Variants in AGTPBP1 observed in about 807,000 individuals in gnomAD.
AGTPBP1 encodes cytosolic carboxypeptidase 1.
Under a neutral mutation model 143.9 loss-of-function variants are expected in AGTPBP1, and 70 were observed. That is an observed-to-expected ratio of 0.49 (90% CI 0.40 to 0.59). AGTPBP1 has a LOEUF of 0.59. Ranked by LOEUF, AGTPBP1 falls within the 20% of genes least tolerant of loss-of-function variation. The pLI, the probability that AGTPBP1 is intolerant of heterozygous loss-of-function variation, is 0.00. For missense variants in AGTPBP1, 1,229 were observed against 1,464.5 expected (o/e 0.84, Z 2.62); for synonymous variants, 463 against 500.2 (o/e 0.93, Z 0.99).
At chr9:85,641,197 T>C (rs922389051) in intron 13 of AGTPBP1, among the ~76,000 whole-genome samples, 6 of 152,274 alleles carry the variant, frequency 3.9e-5, no homozygotes, top group Non-Finnish European at 8.8e-5. Context: ...GGGCCTACCG[T>C]ATATATTTCT....
At chr9:85,560,081 C>G (rs1008936519) in intron 25 of AGTPBP1, among the ~76,000 whole-genome samples, 1 of 152,028 alleles carries the variant, frequency 6.6e-6, no homozygotes, top group Admixed American at 6.6e-5. Flanking sequence ...CTCCAGCCCA[C>G]CAGTATCAAA....
intron 23 of AGTPBP1, among the ~76,000 whole-genome samples, chr9:85,580,590 T>C (rs1828195966): frequency 6.6e-6 from 1 of 152,196 alleles, no homozygotes; most frequent in South Asian, 2.1e-4. Flanking sequence ...ATAGGTATGC[T>C]AGTTAACAAT....
chr9:85,685,476 A>G (rs1444457131), intron 3 of AGTPBP1, among the ~76,000 whole-genome samples: 2 of 152,080 alleles, frequency 1.3e-5, no homozygotes, highest in African/African-American at 2.4e-5. Flanking sequence ...AATTGTAAGC[A>G]CACTTTAAAA....
At chr9:85,763,278 C>G in the AGTPBP1 span, among the ~76,000 whole-genome samples, 1 of 151,952 alleles carries the variant, frequency 6.6e-6, no homozygotes, top group Non-Finnish European at 1.5e-5. Flanking sequence ...AAGGAAGACT[C>G]AGGATTCTGA....
intron 9 of AGTPBP1, among the ~76,000 whole-genome samples, chr9:85,658,795 A>G (rs1206703329): frequency 6.6e-6 from 1 of 152,146 alleles, no homozygotes; most frequent in Non-Finnish European, 1.5e-5. Flanking sequence ...CACTCACTAG[A>G]GCTACGGAAA....
the AGTPBP1 span, among the ~76,000 whole-genome samples, chr9:85,776,405 C>T: frequency 6.6e-5 from 10 of 152,160 alleles, 1 homozygote; most frequent in Non-Finnish European, 8.8e-5. Flanking sequence ...CACCTCAGCA[C>T]GTTGTGGGTT....
chr9:85,574,063 A>G (rs1417468017), intron 25 of AGTPBP1, among the ~76,000 whole-genome samples: 3 of 152,170 alleles, frequency 2.0e-5, no homozygotes, highest in African/African-American at 4.8e-5. Flanking sequence ...GAGAAATCGG[A>G]TGGTTGCTGC....
intron 1 of AGTPBP1, among the ~76,000 whole-genome samples, chr9:85,714,729 A>G (rs1228709026): frequency 6.6e-6 from 1 of 152,218 alleles, no homozygotes; most frequent in Non-Finnish European, 1.5e-5. Flanking sequence ...TCCTTAAAAT[A>G]ATTATAGATA....
In AGTPBP1 at chr9:85,586,966, T is replaced by C. The variant is rs1468119308; in HGVS notation, c.2904-6A>G. 1.2e-6 allele frequency: 2 copies of C among 1,613,654 alleles called. No individual in the cohort carries two copies. The highest frequency in any genetic ancestry group is 1.7e-6 in the Non-Finnish European group (2 of 1,179,710). On this transcript the variant is annotated splice_region_variant and splice_polypyrimidine_tract_variant and intron_variant, in intron 21 of 25. Transcript: ENST00000357081. ...CACTTAAAGAACAGCGATGACTACA[T>C]GTACATAAACACAAAGACAGAAAAA...
chr9:85,759,398 GA>G, the AGTPBP1 span, among the ~76,000 whole-genome samples: 1 of 151,274 alleles, frequency 6.6e-6, no homozygotes, highest in Non-Finnish European at 1.5e-5. Context: ...AAATGTAAAA[GA>G]ACAGAAATTA....
chr9:85,748,742 AT>A, the AGTPBP1 span, among the ~76,000 whole-genome samples: 1 of 152,272 alleles, frequency 6.6e-6, no homozygotes, highest in African/African-American at 2.4e-5. Flanking sequence ...TCCAATTTTC[AT>A]TTCTTCTGCC....
intron 25 of AGTPBP1, among the ~76,000 whole-genome samples, chr9:85,547,818 G>C (rs1446308759): frequency 6.6e-6 from 1 of 152,068 alleles, no homozygotes; most frequent in African/African-American, 2.4e-5. Context: ...AAAAACAAGT[G>C]AACACTCTAC....
intron 17 of AGTPBP1, among the ~76,000 whole-genome samples, chr9:85,598,153 G>A (rs1367581037): frequency 6.6e-6 from 1 of 151,280 alleles, no homozygotes; most frequent in Non-Finnish European, 1.5e-5. Flanking sequence ...TTTCCTCATC[G>A]CTTTTGGTAT....
the AGTPBP1 span, chr9:85,753,322 C>A: frequency 6.2e-7 from 1 of 1,613,838 alleles, no homozygotes; most frequent in Middle Eastern, 1.7e-4. Context: ...CAATTAAAAA[C>A]AGGACAGGAA....
chr9:85,573,156 C>G (rs1326723527), intron 25 of AGTPBP1, among the ~76,000 whole-genome samples: 1 of 152,004 alleles, frequency 6.6e-6, no homozygotes, highest in Admixed American at 6.5e-5. Flanking sequence ...GATGCCGAGC[C>G]GAAGCTGGAC....
Position 85,672,732 on chromosome 9 carries a change from ATTTTTTTTT to A in AGTPBP1, c.437-60_437-52del. 3 of 919,574 alleles carry A rather than the reference ATTTTTTTTT, an allele frequency of 3.3e-6. No homozygotes were observed. In the Admixed American group the frequency reaches 1.0e-4, roughly 32 times the overall value. The allele number at this position is 919,574 out of a possible 1,614,324, so 57.0% of individuals were successfully genotyped here. On this transcript the variant is annotated intron_variant, in intron 6 of 25. Coordinates refer to ENST00000357081, the MANE Select transcript of AGTPBP1 (RefSeq NM_001330701.2). The stretch of plus-strand genomic sequence containing the variant: ...TATGCACATACAACTTTTCTTTTTA[ATTTTTTTTT>A]TTTTTTTTTTTGAGACAGAGTCTTG...
intron 15 of AGTPBP1, among the ~76,000 whole-genome samples, chr9:85,620,598 T>C (rs980922845): frequency 6.6e-6 from 1 of 152,144 alleles, no homozygotes; most frequent in Non-Finnish European, 1.5e-5. Context: ...GTAATTTTCA[T>C]TTATTTACTT....
chr9:85,588,627 T>A, intron 20 of AGTPBP1, 149 bp from the exon 21 acceptor site: 1 of 709,940 alleles, frequency 1.4e-6, no homozygotes, highest in Non-Finnish European at 2.2e-6. Flanking sequence ...AGCACTGCAC[T>A]AGGCCCTATA....
At chr9:85,737,726 T>C (rs914634711) in intron 1 of AGTPBP1, among the ~76,000 whole-genome samples, 1 of 152,182 alleles carries the variant, frequency 6.6e-6, no homozygotes, top group Non-Finnish European at 1.5e-5. Flanking sequence ...CCAATGGGTT[T>C]TACTAGAGCA....
Sources: allele counts gnomAD v4.1 joint callset (sites outside exome capture counted in the v4.1 genomes callset), GRCh38; gene constraint gnomAD v4.1.1; transcripts MANE v1.5; gene names NCBI Gene and HGNC (gene_info 2026-07-23, HGNC 2026-07-21).